The following SENP7 variants were observed in gnomAD, a reference collection of about 807,000 sequenced individuals.
SENP7 encodes the protein SUMO specific peptidase 7.
In SENP7, 64 loss-of-function variants were observed where a neutral mutation model predicts 141.2. The observed-to-expected ratio is 0.45, with a 90% confidence interval of 0.37 to 0.56. The LOEUF (loss-of-function observed/expected upper bound fraction) is 0.56, where lower values mean the gene tolerates loss of function less well. Among genes scored for constraint, SENP7 ranks in the 20% least tolerant of loss-of-function variants. The probability of loss-of-function intolerance (pLI) is 0.00; values close to 1 mark genes in which losing one functional copy is unlikely to be tolerated. For missense variants in SENP7, 1,025 were observed against 1,212.2 expected (o/e 0.85, Z 2.29); for synonymous variants, 382 against 426.4 (o/e 0.90, Z 1.28).
At chr3:101,396,518 T>C (rs932180384) in intron 6 of SENP7, among the ~76,000 whole-genome samples, 15 of 152,264 alleles carry the variant, frequency 9.9e-5, no homozygotes, top group African/African-American at 3.4e-4. Flanking sequence ...GAAAGTACCT[T>C]CCTTAATATT....
intron 7 of SENP7, among the ~76,000 whole-genome samples, chr3:101,369,511 C>T (rs111908976): frequency 5.3e-5 from 8 of 152,178 alleles, no homozygotes; most frequent in African/African-American, 1.9e-4. Context: ...GAGAAAACAC[C>T]TTACTCCCTA....
Position 101,330,406 on chromosome 3 carries a change from C to T in SENP7, c.2699-20G>A, listed in dbSNP as rs1467252898. ...CATTATCTAGTTAGAAATAATTAAG[C>T]AGTTATGAGTGTTTATTGCATGTTT... On this transcript the variant is annotated intron_variant, in intron 19 of 23. Coordinates refer to ENST00000394095, the MANE Select transcript of SENP7 (RefSeq NM_020654.5). The T allele has an allele frequency of 2.6e-6, 4 of 1,564,754 alleles. No individual in the cohort carries two copies. Among genetic ancestry groups the T allele is most frequent in the Non-Finnish European group, 3.5e-6 (4 of 1,138,906 alleles).
intron 4 of SENP7, among the ~76,000 whole-genome samples, chr3:101,455,281 C>T (rs561163957): frequency 6.6e-6 from 1 of 152,296 alleles, no homozygotes; most frequent in South Asian, 2.1e-4. Flanking sequence ...CAACATTCCT[C>T]TCCATTATAG....
intron 6 of SENP7, among the ~76,000 whole-genome samples, chr3:101,377,484 C>T (rs1003402652): frequency 2.0e-5 from 3 of 152,144 alleles, no homozygotes; most frequent in Non-Finnish European, 2.9e-5. Context: ...AGGACTTAGT[C>T]ATAAAGGGGG....
intron 3 of SENP7, among the ~76,000 whole-genome samples, chr3:101,484,085 A>C (rs2064623321): frequency 6.6e-6 from 1 of 152,192 alleles, no homozygotes; most frequent in Admixed American, 6.5e-5. Context: ...AAAACCATAA[A>C]ACTCCTAGAA....
chr3:101,373,116 A>G (rs2060226701), intron 6 of SENP7, among the ~76,000 whole-genome samples: 1 of 152,124 alleles, frequency 6.6e-6, no homozygotes, highest in South Asian at 2.1e-4. Context: ...AAACATCACC[A>G]GTGTAGTGTC....
chr3:101,471,372 G>C (rs1576455317), intron 3 of SENP7, among the ~76,000 whole-genome samples: 1 of 152,272 alleles, frequency 6.6e-6, no homozygotes, highest in African/African-American at 2.4e-5. Context: ...TCTGATCTTT[G>C]ACAAACATGA....
chr3:101,353,611 T>C (rs2059665755), intron 11 of SENP7, among the ~76,000 whole-genome samples: 1 of 152,070 alleles, frequency 6.6e-6, no homozygotes, highest in African/African-American at 2.4e-5. Flanking sequence ...AAGCTAATAA[T>C]AAGAGCTATT....
At chr3:101,474,589 T>C (rs1035870226) in intron 3 of SENP7, among the ~76,000 whole-genome samples, 7 of 152,100 alleles carry the variant, frequency 4.6e-5, no homozygotes, top group Non-Finnish European at 1.0e-4. Context: ...GCTGAGAATA[T>C]GGGGTTTTCT....
intron 13 of SENP7, among the ~76,000 whole-genome samples, chr3:101,344,419 C>G (rs4683842): frequency 0.4 from 60,337 of 151,982 alleles, 12,494 homozygotes; most frequent in Admixed American, 0.54. Context: ...TTTTCCCCAC[C>G]TTCTCTGCTA....
Position 101,417,736 on chromosome 3 carries a change from G to A in SENP7, c.339C>T (p.Phe113=), listed in dbSNP as rs2061668475. 2 of 1,613,832 alleles carry A rather than the reference G, an allele frequency of 1.2e-6. No individual in the cohort carries two copies. Among genetic ancestry groups the A allele is most frequent in the African/African-American group, 2.7e-5 (2 of 74,910 alleles). ...NVLWTDLGRK[F]RKTLPRNDAN... ...CATCGTTTCTAGGTAGGGTCTTTCT[G>A]AATTTTCGTCCTAAATCCGTCCATA... The change falls in exon 5 of 24, where the codon TTC becomes TTT. Residue 113 remains phenylalanine (F), a synonymous_variant. Transcript: ENST00000394095.
chr3:101,512,883 C>A (rs2065918534), intron 1 of SENP7, among the ~76,000 whole-genome samples: 1 of 152,090 alleles, frequency 6.6e-6, no homozygotes, highest in African/African-American at 2.4e-5. Context: ...AGGTGAAGAG[C>A]GCCCGAGGCT....
chr3:101,437,615 G>A (rs1321109431), intron 4 of SENP7, among the ~76,000 whole-genome samples: 1 of 152,150 alleles, frequency 6.6e-6, no homozygotes, highest in East Asian at 1.9e-4. Flanking sequence ...GGGAGGCTGA[G>A]GTGGGAGGGC....
At chr3:101,372,810 T>C (rs1047639570) in intron 6 of SENP7, among the ~76,000 whole-genome samples, 1 of 151,974 alleles carries the variant, frequency 6.6e-6, no homozygotes, top group African/African-American at 2.4e-5. Context: ...GAATATAAAA[T>C]AAATAAGTTT....
intron 3 of SENP7, among the ~76,000 whole-genome samples, chr3:101,461,646 C>T (rs1487210647): frequency 6.7e-6 from 1 of 150,346 alleles, no homozygotes; most frequent in Non-Finnish European, 1.5e-5. Flanking sequence ...AAAATTACCA[C>T]ATGACACAGC....
intron 11 of SENP7, among the ~76,000 whole-genome samples, chr3:101,355,703 T>G (rs1228884190): frequency 6.6e-6 from 1 of 152,222 alleles, no homozygotes; most frequent in Non-Finnish European, 1.5e-5. Context: ...GCCTCTTTTT[T>G]TTGGCTCCAT....
In SENP7 at chr3:101,417,782, T is replaced by C. The variant is rs572773489; in HGVS notation, c.293A>G (p.Lys98Arg). The stretch of plus-strand genomic sequence containing the variant: ...CCATAGGACATTCGTCAACATAACT[T>C]TGAGTTGCCTGTTATACACATAAAT... The part of the protein sequence containing the change: ...TSKSSPERQL[K>R]VMLTNVLWTD... Residue 98 changes from lysine (K) to arginine (R), a missense_variant, in exon 5 of 24, where the codon AAA (lysine) becomes AGA (arginine). By Grantham distance (26) the Lys-to-Arg change is conservative. This residue lies in a region of SENP7 where 496 missense variants were observed against 503.5 expected (regional missense o/e 0.99). Coordinates refer to ENST00000394095, the MANE Select transcript of SENP7 (RefSeq NM_020654.5). The C allele has an allele frequency of 1.2e-6, 2 of 1,613,080 alleles. No individual in the cohort carries two copies. The highest frequency in any genetic ancestry group is 1.1e-5 in the South Asian group (1 of 91,058).
chr3:101,387,520 A>C (rs907837678), intron 6 of SENP7, among the ~76,000 whole-genome samples: 1 of 151,944 alleles, frequency 6.6e-6, no homozygotes, highest in Non-Finnish European at 1.5e-5. Flanking sequence ...GGCGGCACCC[A>C]CACACATCAT....
At chr3:101,380,168 G>C (rs183122741) in intron 6 of SENP7, among the ~76,000 whole-genome samples, 2 of 152,234 alleles carry the variant, frequency 1.3e-5, no homozygotes, top group African/African-American at 4.8e-5. Flanking sequence ...AGGGTTTAGG[G>C]GGAGAGAGGA....
Sources: allele counts gnomAD v4.1 joint callset (sites outside exome capture counted in the v4.1 genomes callset), GRCh38; gene constraint gnomAD v4.1.1; regional missense constraint gnomAD v4.1.1; transcripts MANE v1.5; gene names NCBI Gene and HGNC (gene_info 2026-07-23, HGNC 2026-07-21).